TDRD7: variants seen among roughly 807,000 people sequenced by gnomAD.
TDRD7 encodes tudor domain-containing protein 7.
Under a neutral mutation model 109.8 loss-of-function variants are expected in TDRD7, and 47 were observed. The ratio of observed to expected loss-of-function variants is 0.43; its 90% CI spans 0.34 to 0.55. The LOEUF (loss-of-function observed/expected upper bound fraction) is 0.55, where lower values mean the gene tolerates loss of function less well. TDRD7 is among the 20% of genes least tolerant of loss of function. TDRD7 has a pLI of 0.03. For missense variants in TDRD7, 1,164 were observed against 1,319.2 expected, an observed-to-expected ratio of 0.88 and a Z score of 1.82; for synonymous variants, 424 against 457.3, an observed-to-expected ratio of 0.93 and a Z score of 0.93.
intron 11 of TDRD7, among the ~76,000 whole-genome samples, chr9:97,474,321 G>A (rs1205437254): frequency 6.6e-6 from 1 of 151,984 alleles, no homozygotes; most frequent in Non-Finnish European, 1.5e-5. Flanking sequence ...TGCCACTTCT[G>A]CCCTTACCCC....
rs550006941 is a variant in TDRD7 at position 97,413,121 on chromosome 9, C to T, written c.-7+883C>T. On this transcript the variant is annotated intron_variant, in intron 1 of 16. Coordinates refer to ENST00000355295, the MANE Select transcript of TDRD7 (RefSeq NM_014290.3). Reference sequence around the variant, plus strand: ...AAACCACAGATCTAGTTCATTAACCCTCCTACCAACACCTCTCTGCTCTCC... The same window carrying T: ...AAACCACAGATCTAGTTCATTAACCTTCCTACCAACACCTCTCTGCTCTCC... Among the ~76,000 whole-genome samples, 29 of 152,300 alleles carry T rather than the reference C, an allele frequency of 1.9e-4. 2 individuals are homozygous for T. The South Asian group carries it at 5.8e-3, about 31-fold the overall frequency.
chr9:97,429,051 C>T (rs1031348573), intron 2 of TDRD7, among the ~76,000 whole-genome samples: 2 of 152,160 alleles, frequency 1.3e-5, no homozygotes, highest in Non-Finnish European at 1.5e-5. Flanking sequence ...ATCTAATAGA[C>T]AGTTTTAAAT....
At chr9:97,424,142 C>T (rs1049550761) in intron 1 of TDRD7, among the ~76,000 whole-genome samples, 1 of 149,918 alleles carries the variant, frequency 6.7e-6, no homozygotes, top group African/African-American at 2.5e-5. Flanking sequence ...CAACCTCCAC[C>T]GCCTGAGTTC....
At chr9:97,444,187 T>C (rs1331501070) in intron 6 of TDRD7, among the ~76,000 whole-genome samples, 1 of 152,228 alleles carries the variant, frequency 6.6e-6, no homozygotes, top group Non-Finnish European at 1.5e-5. Flanking sequence ...TTTTATTGCG[T>C]TATTATATTC....
At chr9:97,430,826 T>C (rs776396333) in intron 2 of TDRD7, 107 bp from the exon 3 acceptor site, 2 of 1,346,086 alleles carry the variant, frequency 1.5e-6, no homozygotes, top group Non-Finnish European at 2.1e-6. Context: ...TGCATACCAC[T>C]TGACTTGGGA....
chr9:97,417,099 T>C (rs1026894280), intron 1 of TDRD7, among the ~76,000 whole-genome samples: 9 of 152,142 alleles, frequency 5.9e-5, no homozygotes, highest in African/African-American at 2.2e-4. Flanking sequence ...GTGAGCCACA[T>C]GTGCCCCTGG....
intron 6 of TDRD7, among the ~76,000 whole-genome samples, chr9:97,447,574 CT>C (rs1828423623): frequency 6.6e-6 from 1 of 152,152 alleles, no homozygotes; most frequent in Non-Finnish European, 1.5e-5. Flanking sequence ...AAAAACAAAA[CT>C]TTAACTTGAA....
intron 6 of TDRD7, among the ~76,000 whole-genome samples, chr9:97,451,200 A>G (rs1828484446): frequency 6.6e-6 from 1 of 151,692 alleles, no homozygotes; most frequent in East Asian, 1.9e-4. Flanking sequence ...GAAGCTCCAC[A>G]CTCCTTCCGG....
chr9:97,432,245 G>A lies in TDRD7; in HGVS notation c.563+7G>A, dbSNP rs955882913. On this transcript the variant is annotated splice_region_variant and intron_variant, in intron 4 of 16. Coordinates refer to ENST00000355295, the MANE Select transcript of TDRD7 (RefSeq NM_014290.3). Reference sequence around the variant, plus strand: ...CCATGTCCACCAACAACAGGTATTTGGCCTCTGACTCACAGAAGTTTGGTG... The same window carrying A: ...CCATGTCCACCAACAACAGGTATTTAGCCTCTGACTCACAGAAGTTTGGTG... 1.2e-6 allele frequency: 2 copies of A among 1,612,926 alleles called. No individual in the cohort carries two copies. Among genetic ancestry groups the A allele is most frequent in the African/African-American group, 2.7e-5 (2 of 74,868 alleles).
At chr9:97,475,185 G>A (rs1828997419) in intron 11 of TDRD7, among the ~76,000 whole-genome samples, 198 bp from the exon 12 acceptor site, 2 of 152,192 alleles carry the variant, frequency 1.3e-5, no homozygotes, top group Non-Finnish European at 2.9e-5. Flanking sequence ...TGTAGGGAGA[G>A]TAAACTACTG....
At position 97,472,373 on chromosome 9, in the gene TDRD7, A is replaced by G; in HGVS notation, c.1822A>G (p.Ile608Val). ...LTCGKIFAVE[I>V]LDKADIPLVV... is the part of the protein sequence containing the mutation. ...TTGTGGAAAGATCTTTGCAGTGGAA[A>G]TACTTGACAAAGCTGACATTCCACT... Residue 608 changes from isoleucine to valine, a missense_variant, in exon 10 of 17, where the codon ATA (isoleucine) becomes GTA (valine). This residue lies in a region of TDRD7 where 261 missense variants were observed against 336.2 expected (regional missense o/e 0.78). Coordinates refer to ENST00000355295, the MANE Select transcript of TDRD7 (RefSeq NM_014290.3). 1 of 1,614,004 alleles carries G rather than the reference A, an allele frequency of 6.2e-7. No homozygotes were observed. Among genetic ancestry groups the G allele is most frequent in the Non-Finnish European group, 8.5e-7 (1 of 1,179,908 alleles).
intron 12 of TDRD7, among the ~76,000 whole-genome samples, chr9:97,476,770 G>C (rs1178660405): frequency 6.6e-6 from 1 of 151,998 alleles, no homozygotes; most frequent in Non-Finnish European, 1.5e-5. Context: ...GCATAATTTT[G>C]TAAGATTCTC....
At chr9:97,424,700 G>A (rs992469504) in intron 1 of TDRD7, among the ~76,000 whole-genome samples, 1 of 151,934 alleles carries the variant, frequency 6.6e-6, no homozygotes, top group Non-Finnish European at 1.5e-5. Context: ...TCTTGAAGGT[G>A]GTATATAAGT....
intron 8 of TDRD7, among the ~76,000 whole-genome samples, chr9:97,468,547 C>T (rs1431444995): frequency 6.6e-6 from 1 of 152,188 alleles, no homozygotes; most frequent in Non-Finnish European, 1.5e-5. Flanking sequence ...GATGATTTCT[C>T]CCTTTATTTG....
chr9:97,427,506 G>A (rs906929710), intron 1 of TDRD7, among the ~76,000 whole-genome samples: 6 of 152,146 alleles, frequency 3.9e-5, no homozygotes, highest in African/African-American at 1.4e-4. Context: ...CAACAAATCT[G>A]TGACCAGCTT....
At chr9:97,475,284 G>C (rs2131167939) in intron 11 of TDRD7, 99 bp from the exon 12 acceptor site, 1 of 931,088 alleles carries the variant, frequency 1.1e-6, no homozygotes, top group East Asian at 2.5e-5. Context: ...CTACATGTCG[G>C]TTAAGTCTGC....
intron 8 of TDRD7, among the ~76,000 whole-genome samples, chr9:97,468,013 G>A (rs1828847108): frequency 6.6e-6 from 1 of 152,228 alleles, no homozygotes. Flanking sequence ...TTGAAATTGG[G>A]AAGTCAGAGA....
chr9:97,428,214 C>A (rs142730150), intron 1 of TDRD7, among the ~76,000 whole-genome samples: 1 of 152,144 alleles, frequency 6.6e-6, no homozygotes, highest in African/African-American at 2.4e-5. Context: ...CAGGCTTCCC[C>A]GCCTGAATCT....
chr9:97,474,193 T>G lies in TDRD7; in HGVS notation c.2079+567T>G, dbSNP rs143467657. Among the ~76,000 whole-genome samples the G allele has an allele frequency of 8.3e-4, 127 of 152,328 alleles. 1 individual carries two copies. In the East Asian group the frequency reaches 0.023, roughly 28 times the overall value. On this transcript the variant is annotated intron_variant, in intron 11 of 16. Coordinates refer to ENST00000355295, the MANE Select transcript of TDRD7 (RefSeq NM_014290.3). ...TTTAATTCTACTATTTTTTTCTGAA[T>G]CGAGCTCTGTAGAGGTTTTATTGTG...
Sources: gnomAD v4.1 joint callset for allele counts (sites outside exome capture counted in the v4.1 genomes callset) on GRCh38, gnomAD v4.1.1 for gene constraint, gnomAD v4.1.1 regional missense constraint, MANE v1.5 for transcripts, NCBI Gene and HGNC (gene_info 2026-07-23, HGNC 2026-07-21) for gene names.